Variants in RMST observed in about 807,000 individuals in gnomAD.
The protein encoded by RMST is rhabdomyosarcoma 2 associated transcript.
intron 10 of RMST, among the ~76,000 whole-genome samples, chr12:97,514,196 T>C (rs538548398): frequency 6.6e-5 from 10 of 152,138 alleles, no homozygotes; most frequent in Non-Finnish European, 1.5e-4. Flanking sequence ...ATTCTTGCTC[T>C]GTAGTTAATT....
Position 97,558,761 on chromosome 12 carries a change from G to A in RMST, n.1546-1776G>A, listed in dbSNP as rs2136668377. On this transcript the variant is annotated intron_variant and non_coding_transcript_variant, in intron 11 of 13. Transcript: ENST00000640149. ...TACTTCAATTTGTGTCTCAGGGAAG[G>A]GGCTTGGTTATTTATTCTGGGTAAA... Among the ~76,000 whole-genome samples, 4 of 152,226 alleles carry A rather than the reference G, an allele frequency of 2.6e-5. No homozygotes were observed. In the South Asian group the frequency reaches 8.3e-4, roughly 32 times the overall value.
chr12:97,462,864 A>G (rs1872725631), exon 3 of RMST: 1 of 152,302 alleles, frequency 6.6e-6, no homozygotes, highest in African/African-American at 2.4e-5. Context: ...CGCTGTCTGC[A>G]CTTTCCTGGT....
At chr12:97,526,111 T>C (rs999687281) in intron 10 of RMST, among the ~76,000 whole-genome samples, 2 of 152,090 alleles carry the variant, frequency 1.3e-5, no homozygotes, top group Non-Finnish European at 2.9e-5. Flanking sequence ...TATTTCATTA[T>C]ATATTATGAT....
intron 5 of RMST, among the ~76,000 whole-genome samples, chr12:97,469,004 T>C (rs1041683837): frequency 2.0e-5 from 3 of 151,922 alleles, no homozygotes; most frequent in Non-Finnish European, 4.4e-5. Context: ...TCATCATGAA[T>C]CACACATCGC....
chr12:97,555,175 G>C (rs1196266113), intron 11 of RMST, among the ~76,000 whole-genome samples: 1 of 152,084 alleles, frequency 6.6e-6, no homozygotes, highest in Non-Finnish European at 1.5e-5. Flanking sequence ...GGTTCTTATT[G>C]CATCCAAGAC....
chr12:97,548,390 C>T (rs1883087961), intron 11 of RMST, among the ~76,000 whole-genome samples: 1 of 152,006 alleles, frequency 6.6e-6, no homozygotes, highest in Non-Finnish European at 1.5e-5. Context: ...TTTTGTGGTT[C>T]CATACAAATT....
chr12:97,489,543 A>G (rs1486006065), intron 5 of RMST, among the ~76,000 whole-genome samples: 2 of 152,150 alleles, frequency 1.3e-5, no homozygotes, highest in Non-Finnish European at 2.9e-5. Context: ...CACAATCTGT[A>G]ATTTGTCTAT....
At chr12:97,553,100 A>G (rs1433680614) in intron 11 of RMST, among the ~76,000 whole-genome samples, 3 of 152,208 alleles carry the variant, frequency 2.0e-5, no homozygotes, top group Non-Finnish European at 4.4e-5. Flanking sequence ...ATGTTATTTT[A>G]CCAGTTGAAA....
chr12:97,492,215 C>T (rs933617676), intron 5 of RMST, among the ~76,000 whole-genome samples: 4 of 152,142 alleles, frequency 2.6e-5, no homozygotes, highest in African/African-American at 7.2e-5. Context: ...TTTACATGAG[C>T]TTAAATATCT....
At chr12:97,523,795 T>G (rs1436266587) in intron 10 of RMST, among the ~76,000 whole-genome samples, 3 of 152,060 alleles carry the variant, frequency 2.0e-5, no homozygotes, top group Non-Finnish European at 4.4e-5. Context: ...TTCACATAAC[T>G]GGCCGGGCGC....
chr12:97,482,011 A>G (rs571398966), intron 5 of RMST, among the ~76,000 whole-genome samples: 1 of 152,210 alleles, frequency 6.6e-6, no homozygotes, highest in South Asian at 2.1e-4. Flanking sequence ...AATTCCCTCA[A>G]CCTATGTTTT....
chr12:97,487,884 C>T (rs1025953747), intron 5 of RMST, among the ~76,000 whole-genome samples: 15 of 152,192 alleles, frequency 9.9e-5, no homozygotes, highest in Admixed American at 9.8e-4. Flanking sequence ...TGTGTCTTTC[C>T]TTGTGTTTCC....
chr12:97,476,995 T>C (rs1387447356), intron 5 of RMST, among the ~76,000 whole-genome samples: 2 of 152,174 alleles, frequency 1.3e-5, no homozygotes, highest in Non-Finnish European at 2.9e-5. Context: ...TATAGAATTC[T>C]AGAGCCAGGC....
At chr12:97,491,048 G>GT (rs1876738021) in intron 5 of RMST, among the ~76,000 whole-genome samples, 1 of 152,228 alleles carries the variant, frequency 6.6e-6, no homozygotes, top group African/African-American at 2.4e-5. Context: ...AGAAGTAAGT[G>GT]TATGTCATAG....
At chr12:97,512,050 T>C (rs1879376365) in intron 10 of RMST, among the ~76,000 whole-genome samples, 1 of 152,196 alleles carries the variant, frequency 6.6e-6, no homozygotes, top group African/African-American at 2.4e-5. Context: ...TTGTTCCTTC[T>C]GATGTTCAGA....
chr12:97,473,525 CT>C (rs1224446513), intron 5 of RMST, among the ~76,000 whole-genome samples: 1 of 152,094 alleles, frequency 6.6e-6, no homozygotes, highest in Non-Finnish European at 1.5e-5. Flanking sequence ...AATATGTCAA[CT>C]TCCTCACTAT....
chr12:97,526,623 A>C (rs1263923273), intron 10 of RMST, among the ~76,000 whole-genome samples: 3 of 152,184 alleles, frequency 2.0e-5, no homozygotes, highest in Non-Finnish European at 2.9e-5. Flanking sequence ...GGGTAATAAT[A>C]ATAATTGAAA....
intron 11 of RMST, chr12:97,533,383 G>A (rs1249773080): frequency 1.3e-5 from 2 of 151,648 alleles, no homozygotes; most frequent in African/African-American, 4.8e-5. Context: ...CGTGCTTTTT[G>A]GTACAGTTGC....
chr12:97,543,482 T>C (rs1190357847), intron 11 of RMST, among the ~76,000 whole-genome samples: 1 of 152,058 alleles, frequency 6.6e-6, no homozygotes, highest in Non-Finnish European at 1.5e-5. Context: ...GAGCGCTCTA[T>C]ATATGATAAT....
Sources: allele counts gnomAD v4.1 joint callset (sites outside exome capture counted in the v4.1 genomes callset), GRCh38; gene constraint gnomAD v4.1.1; transcripts MANE v1.5; gene names NCBI Gene and HGNC (gene_info 2026-07-23, HGNC 2026-07-21).